Variants in MGA observed in about 807,000 individuals in gnomAD.
The protein encoded by MGA is MAX gene-associated protein.
MGA carries 40 observed loss-of-function variants against 261.1 expected under a neutral mutation model. The ratio of observed to expected loss-of-function variants is 0.15; its 90% CI spans 0.12 to 0.20. The LOEUF is 0.20. MGA is among the 10% of genes least tolerant of loss of function. The pLI is 1.00. For missense variants in MGA, 3,397 were observed against 3,630.5 expected, an observed-to-expected ratio of 0.94 and a Z score of 1.65; for synonymous variants, 1,302 against 1,290.6, an observed-to-expected ratio of 1.01 and a Z score of -0.19.
intron 1 of MGA, among the ~76,000 whole-genome samples, chr15:41,634,499 TTATG>T (rs1227294891): frequency 6.6e-5 from 10 of 152,170 alleles, no homozygotes; most frequent in Non-Finnish European, 1.3e-4. Flanking sequence ...TTGTGTATGT[TTATG>T]TATGTGTGTG....
At chr15:41,681,286 T>C (rs1471254740) in intron 2 of MGA, among the ~76,000 whole-genome samples, 1 of 152,200 alleles carries the variant, frequency 6.6e-6, no homozygotes, top group Non-Finnish European at 1.5e-5. Context: ...CTAGGTCATA[T>C]GCATAATGCC....
At position 41,668,983 on chromosome 15, in the gene MGA, A is replaced by G; in HGVS notation, c.89A>G (p.Gln30Arg). Residue 30 changes from glutamine (Q) to arginine (R), a missense_variant, in exon 2 of 24, where the codon CAG becomes CGG. This residue lies in a region of MGA where 81 missense variants were observed against 84.3 expected (regional missense o/e 0.96). Transcript: ENST00000219905. The stretch of plus-strand genomic sequence containing the variant: ...CCTACCTTCTTTGTCATCTTAAAGC[A>G]GCCAGGAAATGGCAAAACTGATCAA... 7 of 1,613,544 alleles carry G rather than the reference A, an allele frequency of 4.3e-6. No individual in the cohort carries two copies. Among genetic ancestry groups the G allele is most frequent in the Non-Finnish European group, 5.9e-6 (7 of 1,179,500 alleles).
intron 11 of MGA, among the ~76,000 whole-genome samples, chr15:41,729,848 T>C (rs1428324581): frequency 6.6e-6 from 1 of 151,908 alleles, no homozygotes; most frequent in Non-Finnish European, 1.5e-5. Context: ...AAAATATGTA[T>C]ATTATTCTTT....
At chr15:41,754,313 C>A in intron 17 of MGA, 124 bp from the exon 18 acceptor site, 1 of 754,782 alleles carries the variant, frequency 1.3e-6, no homozygotes, top group Non-Finnish European at 2.0e-6. Flanking sequence ...TTAGGATTAT[C>A]AGTACTCATG....
At chr15:41,637,060 TA>T (rs1266927019) in intron 1 of MGA, among the ~76,000 whole-genome samples, 1 of 151,968 alleles carries the variant, frequency 6.6e-6, no homozygotes, top group East Asian at 1.9e-4. Context: ...AAGGTCGTAG[TA>T]AAGAGAGAAA....
In MGA at chr15:41,767,330, A is replaced by C; in HGVS notation, c.*50A>C. ...CAGGCTGTGAGGGGAAATAGATCTC[A>C]CCTCCTTTCTCTGCAGGCATCTGTT... is the stretch of plus-strand genomic sequence containing the variant. On this transcript the variant is annotated 3_prime_UTR_variant, in exon 24 of 24. Transcript: ENST00000219905. The C allele has an allele frequency of 3.7e-4, 560 of 1,504,178 alleles. No individual in the cohort carries two copies. The highest frequency in any genetic ancestry group is 4.6e-4 in the Non-Finnish European group (512 of 1,112,400). The allele number at this position is 1,504,178 out of a possible 1,614,324, so 93.2% of individuals were successfully genotyped here. A position where few individuals can be genotyped will look rare whatever the true frequency, so the allele number is the denominator to read the frequency against.
chr15:41,679,347 G>A, intron 2 of MGA, among the ~76,000 whole-genome samples: 1 of 152,070 alleles, frequency 6.6e-6, no homozygotes, highest in East Asian at 1.9e-4. Flanking sequence ...CTGGGCCGAG[G>A]TTTCATTTTC....
chr15:41,734,891 A>T, intron 12 of MGA, among the ~76,000 whole-genome samples: 1 of 151,938 alleles, frequency 6.6e-6, no homozygotes, highest in East Asian at 1.9e-4. Flanking sequence ...TCCAAACCCC[A>T]GTAATATTGG....
chr15:41,749,312 T>C lies in MGA; in HGVS notation c.5705T>C (p.Leu1902Pro). The change falls in exon 17 of 24, where the codon CTG (leucine) becomes CCG (proline). Residue 1902 changes from leucine to proline, a missense_variant. Coordinates refer to ENST00000219905, the MANE Select transcript of MGA (RefSeq NM_001164273.2). Reference sequence around the variant, plus strand: ...GTGTCTCAGGCTGGTACATTGACCCTGAGGATTTCTCCTCCTGAACCACAA... The same window carrying C: ...GTGTCTCAGGCTGGTACATTGACCCCGAGGATTTCTCCTCCTGAACCACAA... The C allele has an allele frequency of 6.2e-7, 1 of 1,614,028 alleles. No individual in the cohort carries two copies. The highest frequency in any genetic ancestry group is 8.5e-7 in the Non-Finnish European group (1 of 1,179,884).
chr15:41,639,493 C>T (rs942674968), intron 1 of MGA, among the ~76,000 whole-genome samples: 12 of 151,406 alleles, frequency 7.9e-5, no homozygotes, highest in African/African-American at 2.7e-4. Flanking sequence ...ATTAGCTCGG[C>T]ACAGGAGTCA....
At chr15:41,656,456 C>G (rs1250633602), upstream of MGA, among the ~76,000 whole-genome samples, 2 of 151,316 alleles carry the variant, frequency 1.3e-5, no homozygotes, top group Non-Finnish European at 2.9e-5. Flanking sequence ...GTCCTCCCAC[C>G]TCACCCTCCT....
chr15:41,740,075 C>G lies in MGA; in HGVS notation c.4457C>G (p.Ala1486Gly), dbSNP rs767717708. Reference sequence around the variant, plus strand: ...AAGGTAGCATCCAATGCCAAGGTGGCTGCATCCAGGAAACCACGTACCCTG... The same window carrying G: ...AAGGTAGCATCCAATGCCAAGGTGGGTGCATCCAGGAAACCACGTACCCTG... The change falls in exon 14 of 24, where the codon GCT becomes GGT. Residue 1486 changes from alanine to glycine, a missense_variant. Transcript: ENST00000219905. 4 of 1,614,012 alleles carry G rather than the reference C, an allele frequency of 2.5e-6. No individual in the cohort carries two copies.
chr15:41,649,064 A>C (rs1208203031), intron 1 of MGA, among the ~76,000 whole-genome samples: 1 of 152,118 alleles, frequency 6.6e-6, no homozygotes, highest in South Asian at 2.1e-4. Flanking sequence ...TGTTGATAGA[A>C]TCTTAGGGTA....
rs571126572 is a variant in MGA, at chr15:41,723,982, A to G, written c.3431-3198A>G. Among the ~76,000 whole-genome samples the G allele has an allele frequency of 6.6e-5, 10 of 150,898 alleles. No homozygotes were observed. The East Asian group carries it at 1.7e-3, about 26-fold the overall frequency. On this transcript the variant is annotated intron_variant, in intron 9 of 23. Coordinates refer to ENST00000219905, the MANE Select transcript of MGA (RefSeq NM_001164273.2). ...TCTTAAGAGTTTTTTTTTTTTTTGA[A>G]GTACTGTACTGTGTATTTTGTAGCT...
At chr15:41,700,852 A>G (rs570704067) in intron 5 of MGA, among the ~76,000 whole-genome samples, 1 of 152,338 alleles carries the variant, frequency 6.6e-6, no homozygotes, top group Non-Finnish European at 1.5e-5. Flanking sequence ...TGTCTAGACT[A>G]TTTACACTAT....
rs1265211868 is a variant in MGA at position 41,768,070 on chromosome 15, C to G, written c.*790C>G. 2 of 152,552 alleles carry G rather than the reference C, an allele frequency of 1.3e-5. No homozygotes were observed. The highest frequency in any genetic ancestry group is 2.4e-5 in the African/African-American group (1 of 41,424). The allele number at this position is 152,552 out of a possible 1,614,324, so 9.4% of individuals were successfully genotyped here. On this transcript the variant is annotated 3_prime_UTR_variant, in exon 24 of 24. Transcript: ENST00000219905. ...AGGCATAGAGGGAGCCCTACCCCTT[C>G]CACAAATTACGTTACTCAAGAGACA...
intron 13 of MGA, among the ~76,000 whole-genome samples, chr15:41,739,637 A>G (rs1319827378): frequency 1.3e-5 from 2 of 152,184 alleles, no homozygotes; most frequent in Non-Finnish European, 2.9e-5. Flanking sequence ...ACTTTCACAT[A>G]ACTAGGATGC....
upstream of MGA, among the ~76,000 whole-genome samples, chr15:41,657,539 A>T (rs979534473): frequency 5.9e-5 from 9 of 151,666 alleles, no homozygotes; most frequent in African/African-American, 2.2e-4. Context: ...TATTTTTAGT[A>T]GAGACGGGGT....
intron 2 of MGA, among the ~76,000 whole-genome samples, chr15:41,683,101 G>C (rs919497765): frequency 6.6e-6 from 1 of 152,120 alleles, no homozygotes; most frequent in Non-Finnish European, 1.5e-5. Flanking sequence ...GGCATGTTTT[G>C]CTCTGGTGAT....
Sources: allele counts gnomAD v4.1 joint callset (sites outside exome capture counted in the v4.1 genomes callset), GRCh38; gene constraint gnomAD v4.1.1; regional missense constraint gnomAD v4.1.1; transcripts MANE v1.5; gene names NCBI Gene and HGNC (gene_info 2026-07-23, HGNC 2026-07-21).